PRLR: variants seen among roughly 807,000 people sequenced by gnomAD.
The protein encoded by PRLR is prolactin receptor.
In PRLR, 13 loss-of-function variants were observed where a neutral mutation model predicts 40.2. The ratio of observed to expected loss-of-function variants is 0.32; its 90% CI spans 0.21 to 0.51. PRLR has a LOEUF of 0.51. Ranked by LOEUF, PRLR falls within the 20% of genes least tolerant of loss-of-function variation. The pLI is 0.97. For synonymous variants in PRLR, 269 were observed against 278.7 expected, an observed-to-expected ratio of 0.97 and a Z score of 0.35; for missense variants, 656 against 747.3, an observed-to-expected ratio of 0.88 and a Z score of 1.42.
intron 1 of PRLR, among the ~76,000 whole-genome samples, chr5:35,185,945 A>G (rs921553311): frequency 2.6e-5 from 4 of 152,130 alleles, no homozygotes; most frequent in Admixed American, 2.6e-4. Flanking sequence ...TCGGGGTGGA[A>G]CGGGACCTGA....
chr5:35,066,707 T>C (rs991956474), intron 9 of PRLR, among the ~76,000 whole-genome samples: 1 of 151,430 alleles, frequency 6.6e-6, no homozygotes, highest in African/African-American at 2.4e-5. Context: ...TCCCTGCTTC[T>C]ATCCTTCCTT....
intron 1 of PRLR, among the ~76,000 whole-genome samples, chr5:35,146,129 A>C (rs879296553): frequency 6.6e-6 from 1 of 152,230 alleles, no homozygotes; most frequent in Non-Finnish European, 1.5e-5. Context: ...TCACTTCCAG[A>C]ATCTGGTTCT....
intron 1 of PRLR, among the ~76,000 whole-genome samples, chr5:35,136,833 A>C (rs1477222129): frequency 6.6e-6 from 1 of 152,038 alleles, no homozygotes; most frequent in Admixed American, 6.6e-5. Context: ...CCAGTTTCTG[A>C]TTCACAGTTC....
chr5:35,158,547 G>T (rs1255940929), intron 1 of PRLR, among the ~76,000 whole-genome samples: 1 of 152,104 alleles, frequency 6.6e-6, no homozygotes, highest in African/African-American at 2.4e-5. Flanking sequence ...TACTCCCCAT[G>T]ATTCGAGTGG....
intron 1 of PRLR, among the ~76,000 whole-genome samples, chr5:35,151,427 G>T (rs759812865): frequency 2.6e-5 from 4 of 152,010 alleles, no homozygotes; most frequent in Non-Finnish European, 4.4e-5. Flanking sequence ...CATGGAGGAG[G>T]GTATATTTCA....
At chr5:35,113,526 T>C (rs185546734) in intron 2 of PRLR, among the ~76,000 whole-genome samples, 75 of 137,540 alleles carry the variant, frequency 5.5e-4, no homozygotes, top group African/African-American at 2.1e-3. Context: ...TCCATTTATC[T>C]ATCCATCCAT....
intron 4 of PRLR, among the ~76,000 whole-genome samples, chr5:35,085,522 T>G (rs183674210): frequency 1.2e-3 from 176 of 152,278 alleles, no homozygotes; most frequent in African/African-American, 4.0e-3. Flanking sequence ...TAGGTCCCAA[T>G]ATGTCTTCTA....
chr5:35,109,840 C>T (rs1013611855), intron 2 of PRLR, among the ~76,000 whole-genome samples: 3 of 152,132 alleles, frequency 2.0e-5, no homozygotes, highest in African/African-American at 7.2e-5. Flanking sequence ...CTGGAAATAC[C>T]GTTTGACCCA....
At chr5:35,215,866 TAA>T (rs1212093418) in intron 1 of PRLR, among the ~76,000 whole-genome samples, 9 of 88,890 alleles carry the variant, frequency 1.0e-4, no homozygotes, top group Non-Finnish European at 1.7e-4. Context: ...CTGTCTCTAC[TAA>T]AAAAAAAAAA....
intron 1 of PRLR, among the ~76,000 whole-genome samples, chr5:35,119,853 C>G (rs1383178357): frequency 6.6e-6 from 1 of 152,102 alleles, no homozygotes; most frequent in African/African-American, 2.4e-5. Flanking sequence ...GGTGGGACAT[C>G]TGGAACAGCA....
intron 1 of PRLR, among the ~76,000 whole-genome samples, chr5:35,141,392 C>T (rs975844413): frequency 3.9e-5 from 6 of 152,118 alleles, no homozygotes; most frequent in Admixed American, 6.5e-5. Context: ...AGCACTATGA[C>T]ATGGAAGGGG....
chr5:35,064,976 A>T lies in PRLR; in HGVS notation c.*113T>A, dbSNP rs1052316967. On this transcript the variant is annotated 3_prime_UTR_variant, in exon 10 of 10. Coordinates refer to ENST00000618457, the MANE Select transcript of PRLR (RefSeq NM_000949.7). ...GTGGTTAAAAATGGAGCATGAAAGG[A>T]GCTGGGAGCTTTAGTAGTGTCAGTC... 2.3e-5 allele frequency: 28 copies of T among 1,194,896 alleles called. No homozygotes were observed. The South Asian group carries it at 2.8e-4, about 12-fold the overall frequency. The allele number at this position is 1,194,896 out of a possible 1,614,324, so 74.0% of individuals were successfully genotyped here. A position where few individuals can be genotyped will look rare whatever the true frequency, so the allele number is the denominator to read the frequency against.
At chr5:35,154,065 A>G (rs1386245189) in intron 1 of PRLR, among the ~76,000 whole-genome samples, 2 of 152,242 alleles carry the variant, frequency 1.3e-5, no homozygotes, top group Non-Finnish European at 2.9e-5. Context: ...ACCTTCAAAT[A>G]ACAGCAGCTT....
At chr5:35,151,046 G>A (rs1341217947) in intron 1 of PRLR, among the ~76,000 whole-genome samples, 2 of 152,142 alleles carry the variant, frequency 1.3e-5, no homozygotes, top group Admixed American at 6.5e-5. Flanking sequence ...GTTTCACCAC[G>A]AGGCAATATC....
intron 2 of PRLR, among the ~76,000 whole-genome samples, chr5:35,095,502 T>G (rs1227215599): frequency 6.6e-6 from 1 of 152,154 alleles, no homozygotes; most frequent in African/African-American, 2.4e-5. Context: ...CATTGAAAAC[T>G]GAGGATATAG....
chr5:35,085,363 G>A (rs548438307), intron 4 of PRLR, among the ~76,000 whole-genome samples: 2 of 152,326 alleles, frequency 1.3e-5, no homozygotes, highest in South Asian at 2.1e-4. Flanking sequence ...TGCAGTCATT[G>A]GAAAGTGGGC....
intron 6 of PRLR, 144 bp from the exon 7 acceptor site, chr5:35,070,409 A>G (rs1769674381): frequency 1.1e-6 from 1 of 892,626 alleles, no homozygotes; most frequent in South Asian, 1.7e-5. Context: ...TCTTAGCCCT[A>G]TCTTTTCCTT....
rs140615688 is a variant in PRLR at position 35,177,483 on chromosome 5, C to G, written c.-106+52785G>C. Among the ~76,000 whole-genome samples, 351 of 152,268 alleles carry G rather than the reference C, an allele frequency of 2.3e-3. 5 individuals carry two copies. Among genetic ancestry groups the G allele is most frequent in the Non-Finnish European group, 3.1e-3 (208 of 68,004 alleles). On this transcript the variant is annotated intron_variant, in intron 1 of 9. Coordinates refer to ENST00000618457, the MANE Select transcript of PRLR (RefSeq NM_000949.7). Reference sequence around the variant, plus strand: ...ATTCCCCATCCCCACCTCTCCCCAGCCCCTGGCAAACACTCATCTACTTTT... The same window carrying G: ...ATTCCCCATCCCCACCTCTCCCCAGGCCCTGGCAAACACTCATCTACTTTT...
chr5:35,217,254 T>C (rs762013252), intron 1 of PRLR, among the ~76,000 whole-genome samples: 1 of 152,156 alleles, frequency 6.6e-6, no homozygotes, highest in Non-Finnish European at 1.5e-5. Flanking sequence ...ATTCCCAAGT[T>C]CCTGCAGAAG....
Sources: allele counts gnomAD v4.1 joint callset (sites outside exome capture counted in the v4.1 genomes callset), GRCh38; gene constraint gnomAD v4.1.1; transcripts MANE v1.5; gene names NCBI Gene and HGNC (gene_info 2026-07-23, HGNC 2026-07-21).